BANK1: variants seen among roughly 807,000 people sequenced by gnomAD.
The protein encoded by BANK1 is B-cell scaffold protein with ankyrin repeats.
Under a neutral mutation model 94.5 loss-of-function variants are expected in BANK1, and 95 were observed. The ratio of observed to expected loss-of-function variants is 1.00; its 90% CI spans 0.85 to 1.19. BANK1 has a LOEUF of 1.19. Among genes scored for constraint, BANK1 ranks in the 50% most tolerant of loss-of-function variants. BANK1 has a pLI of 0.00. For missense variants in BANK1, 987 were observed against 932.2 expected (o/e 1.06, Z -0.77); for synonymous variants, 334 against 308.4 (o/e 1.08, Z -0.87).
chr4:101,826,104 T>C (rs1318956986), intron 1 of BANK1, among the ~76,000 whole-genome samples: 1 of 152,098 alleles, frequency 6.6e-6, no homozygotes, highest in East Asian at 1.9e-4. Context: ...TAGATTACTC[T>C]ACTGTTAGAG....
intron 7 of BANK1, among the ~76,000 whole-genome samples, chr4:101,989,335 G>T (rs539529821): frequency 8.6e-5 from 13 of 150,628 alleles, no homozygotes; most frequent in African/African-American, 2.9e-4. Context: ...GGAGGCTGAG[G>T]CAGGAGAATC....
chr4:101,918,714 G>A (rs115119845), intron 7 of BANK1, among the ~76,000 whole-genome samples: 9 of 152,034 alleles, frequency 5.9e-5, no homozygotes, highest in African/African-American at 2.2e-4. Flanking sequence ...CAATGATTAT[G>A]CTGATAAATT....
chr4:101,941,478 G>A (rs755766558), intron 7 of BANK1, among the ~76,000 whole-genome samples: 180 of 151,596 alleles, frequency 1.2e-3, no homozygotes, highest in Admixed American at 2.0e-3. Flanking sequence ...AGGCTTACTG[G>A]GATTTCCTAC....
At chr4:101,936,425 A>G (rs765212078) in intron 7 of BANK1, among the ~76,000 whole-genome samples, 2 of 150,300 alleles carry the variant, frequency 1.3e-5, no homozygotes, top group Non-Finnish European at 3.0e-5. Context: ...GTATACATGC[A>G]TGTATAAGAT....
intron 11 of BANK1, among the ~76,000 whole-genome samples, chr4:102,052,051 A>G (rs1000709303): frequency 5.3e-5 from 8 of 152,082 alleles, no homozygotes; most frequent in Non-Finnish European, 1.0e-4. Flanking sequence ...GGAAAGAGCC[A>G]AAGGACACAT....
Position 101,895,406 on chromosome 4 carries a change from C to T in BANK1, c.1005C>T (p.Asn335=), listed in dbSNP as rs766540578. The T allele has an allele frequency of 6.6e-7, 1 of 1,526,382 alleles. No individual in the cohort carries two copies. The highest frequency in any genetic ancestry group is 9.0e-7 in the Non-Finnish European group (1 of 1,109,658). The allele number at this position is 1,526,382 out of a possible 1,614,324, so 94.6% of individuals were successfully genotyped here. A position where few individuals can be genotyped will look rare whatever the true frequency, so the allele number is the denominator to read the frequency against. ...QSLQTEICSQ[N]KYTHFKELPT... ...TTCAAACTGAAATTTGTTCTCAAAA[C>T]AAATGTGAGTATTTTCCAGCTGCAT... Residue 335 remains asparagine, a synonymous_variant, in exon 6 of 17, where the codon AAC becomes AAT. Coordinates refer to ENST00000322953, the MANE Select transcript of BANK1 (RefSeq NM_017935.5).
chr4:101,800,900 G>A (rs1308277804), intron 1 of BANK1, among the ~76,000 whole-genome samples: 1 of 152,186 alleles, frequency 6.6e-6, no homozygotes. Context: ...TGGGATTACA[G>A]GCGGCTGCCA....
intron 7 of BANK1, among the ~76,000 whole-genome samples, chr4:101,943,400 G>C (rs1266444345): frequency 6.6e-6 from 1 of 151,858 alleles, no homozygotes; most frequent in Non-Finnish European, 1.5e-5. Context: ...GCTGAACTGA[G>C]GTAGTGACAG....
At chr4:101,899,405 A>C (rs1426635955) in intron 6 of BANK1, among the ~76,000 whole-genome samples, 6 of 152,142 alleles carry the variant, frequency 3.9e-5, no homozygotes, top group South Asian at 2.1e-4. Flanking sequence ...AATACAACCC[A>C]CAAGTACAAA....
intron 2 of BANK1, among the ~76,000 whole-genome samples, chr4:101,833,802 G>A (rs1239221760): frequency 1.3e-5 from 2 of 152,072 alleles, no homozygotes; most frequent in Non-Finnish European, 2.9e-5. Context: ...GAATAAAAAG[G>A]GGAAATATTC....
Position 101,955,864 on chromosome 4 carries a change from T to C in BANK1, c.1206+37675T>C, listed in dbSNP as rs78950334. Among the ~76,000 whole-genome samples, 855 of 152,332 alleles carry C rather than the reference T, an allele frequency of 5.6e-3. 15 individuals are homozygous for C. The East Asian group carries it at 0.057, about 10-fold the overall frequency. ...TGTTTCCTGAGGCACAGCACTGTTT[T>C]TTACTCTGTAAAACGAGCACAGTAG... On this transcript the variant is annotated intron_variant, in intron 7 of 16. Coordinates refer to ENST00000322953, the MANE Select transcript of BANK1 (RefSeq NM_017935.5).
intron 6 of BANK1, among the ~76,000 whole-genome samples, chr4:101,909,647 A>G (rs1722591713): frequency 6.6e-6 from 1 of 152,190 alleles, no homozygotes; most frequent in African/African-American, 2.4e-5. Context: ...CGTGGGCATT[A>G]GGGCCATTAT....
chr4:101,905,392 A>C (rs1722415559), intron 6 of BANK1, among the ~76,000 whole-genome samples: 1 of 152,202 alleles, frequency 6.6e-6, no homozygotes, highest in South Asian at 2.1e-4. Flanking sequence ...CCTGAGCTGG[A>C]AATGCCCCCG....
At chr4:102,011,970 A>C (rs1237555066) in intron 7 of BANK1, among the ~76,000 whole-genome samples, 1 of 152,194 alleles carries the variant, frequency 6.6e-6, no homozygotes, top group African/African-American at 2.4e-5. Context: ...GAATCTGGCA[A>C]ACTGAGAAGA....
chr4:102,043,716 T>G, intron 10 of BANK1, 123 bp from the exon 11 acceptor site: 2 of 552,242 alleles, frequency 3.6e-6, no homozygotes, highest in East Asian at 5.4e-5. Context: ...TCAAAAGTAA[T>G]ACAATTCAGG....
chr4:102,072,615 T>C (rs1184586477), intron 15 of BANK1, among the ~76,000 whole-genome samples: 2 of 152,142 alleles, frequency 1.3e-5, no homozygotes, highest in East Asian at 3.8e-4. Context: ...AAAAAGCCAC[T>C]GAGGCCAAAG....
rs1316023019 is a variant in BANK1, at chr4:102,017,362, C to G, written c.1207-4152C>G. 2.0e-5 allele frequency among the ~76,000 whole-genome samples: 3 copies of G among 152,162 alleles called. No homozygotes were observed. The East Asian group carries it at 5.8e-4, about 29-fold the overall frequency. ...GAGTATTAAAATAGGGCTAGAATAT[C>G]TTTTAAAAGGACAGGTCCTCAAGCC... On this transcript the variant is annotated intron_variant, in intron 7 of 16. Coordinates refer to ENST00000322953, the MANE Select transcript of BANK1 (RefSeq NM_017935.5).
At chr4:101,933,882 G>A (rs1022832777) in intron 7 of BANK1, among the ~76,000 whole-genome samples, 5 of 151,430 alleles carry the variant, frequency 3.3e-5, no homozygotes, top group East Asian at 3.9e-4. Context: ...AGACACTGTC[G>A]TTTAGGAGTC....
intron 7 of BANK1, among the ~76,000 whole-genome samples, chr4:101,961,234 A>C (rs1422938587): frequency 6.6e-6 from 1 of 152,240 alleles, no homozygotes; most frequent in Non-Finnish European, 1.5e-5. Flanking sequence ...TATTTAAGGA[A>C]GTTTTGATTA....
Sources: allele counts gnomAD v4.1 joint callset (sites outside exome capture counted in the v4.1 genomes callset), GRCh38; gene constraint gnomAD v4.1.1; transcripts MANE v1.5; gene names NCBI Gene and HGNC (gene_info 2026-07-23, HGNC 2026-07-21).